The following ENAH variants were observed in gnomAD, a reference collection of about 807,000 sequenced individuals.
ENAH encodes the protein protein enabled homolog.
In ENAH, 23 loss-of-function variants were observed where a neutral mutation model predicts 78.7. The ratio of observed to expected loss-of-function variants is 0.29; its 90% CI spans 0.21 to 0.41. The LOEUF (loss-of-function observed/expected upper bound fraction) is 0.41, where lower values mean the gene tolerates loss of function less well. ENAH is among the 10% of genes least tolerant of loss of function. ENAH has a pLI of 1.00. For synonymous variants in ENAH, 226 were observed against 241.0 expected, an observed-to-expected ratio of 0.94 and a Z score of 0.58; for missense variants, 544 against 691.0, an observed-to-expected ratio of 0.79 and a Z score of 2.39.
rs909523397 is a variant in ENAH, at chr1:225,511,851, T to C, written c.1431A>G (p.Ser477=). ...AAGAGGCCTTAGAAGTTACAGGCTC[T>C]GAATCTTCCTAAATATACAGATATA... is the stretch of plus-strand genomic sequence containing the variant. The part of the protein sequence containing the change: ...TEQKEDKGED[S]EPVTSKASST... Residue 477 remains serine, a synonymous_variant, in exon 10 of 14, where the codon TCA becomes TCG. Coordinates refer to ENST00000366843, the MANE Select transcript of ENAH (RefSeq NM_018212.6). 1.9e-6 allele frequency: 3 copies of C among 1,600,098 alleles called. No homozygotes were observed. The highest frequency in any genetic ancestry group is 1.7e-5 in the Admixed American group (1 of 59,782).
intron 2 of ENAH, 73 bp downstream of exon 2, chr1:225,567,171 CTACTT>C: frequency 1.3e-6 from 2 of 1,491,322 alleles, no homozygotes; most frequent in African/African-American, 1.4e-5. Context: ...AGTTTTAAAA[CTACTT>C]TATTTTACGG....
chr1:225,606,738 G>A (rs997973733), intron 1 of ENAH, among the ~76,000 whole-genome samples: 1 of 147,288 alleles, frequency 6.8e-6, no homozygotes, highest in Non-Finnish European at 1.5e-5. Context: ...AGCTACTTGA[G>A]AGGCTGAGGT....
At chr1:225,565,700 C>T (rs1180972461) in intron 2 of ENAH, among the ~76,000 whole-genome samples, 1 of 152,010 alleles carries the variant, frequency 6.6e-6, no homozygotes, top group Non-Finnish European at 1.5e-5. Flanking sequence ...GACTAAGTCG[C>T]TGCTGGAACA....
chr1:225,519,141 A>G (rs1445387682), intron 5 of ENAH, 57 bp downstream of exon 5: 1 of 1,584,506 alleles, frequency 6.3e-7, no homozygotes, highest in Non-Finnish European at 8.6e-7. Context: ...ATGACTGCAC[A>G]AGAGACATCA....
At position 225,639,515 on chromosome 1, in the gene ENAH, C is replaced by A. The variant is rs984054026; in HGVS notation, c.5+13171G>T. On this transcript the variant is annotated intron_variant, in intron 1 of 13. Coordinates refer to ENST00000366843, the MANE Select transcript of ENAH (RefSeq NM_018212.6). ...TTCAACCCCTTTTTTCTGTTTTGAG[C>A]ATACACCATCTTGCTCTGAGATGCC... is the stretch of plus-strand genomic sequence containing the variant. Among the ~76,000 whole-genome samples the A allele has an allele frequency of 2.0e-5, 3 of 152,052 alleles. No individual in the cohort carries two copies. In the South Asian group the frequency reaches 6.2e-4, roughly 32 times the overall value.
chr1:225,620,720 T>C (rs533741958), intron 1 of ENAH, among the ~76,000 whole-genome samples: 1 of 152,032 alleles, frequency 6.6e-6, no homozygotes, highest in South Asian at 2.1e-4. Flanking sequence ...AATGTGGAGA[T>C]AGGGCCGGGT....
intron 1 of ENAH, among the ~76,000 whole-genome samples, chr1:225,595,203 C>T (rs978129434): frequency 2.0e-5 from 3 of 152,002 alleles, no homozygotes; most frequent in Non-Finnish European, 2.9e-5. Context: ...CATGGTGGCA[C>T]GCACCTGTGA....
At position 225,493,438 on chromosome 1, in the gene ENAH, C is replaced by T. The variant is rs1193797166; in HGVS notation, c.*4337G>A. 6.6e-6 allele frequency: 1 copy of T among 152,138 alleles called. No homozygotes were observed. The highest frequency in any genetic ancestry group is 1.9e-4 in the East Asian group (1 of 5,206). The allele number at this position is 152,138 out of a possible 1,614,324, so 9.4% of individuals were successfully genotyped here. ...GAGTCATGGAGATTCCTTATAAATA[C>T]CTGTATGTCAAGTTTTGACTTTAAA... is the stretch of plus-strand genomic sequence containing the variant. On this transcript the variant is annotated 3_prime_UTR_variant, in exon 14 of 14. Transcript: ENST00000366843.
At chr1:225,638,327 A>G (rs1660425006) in intron 1 of ENAH, among the ~76,000 whole-genome samples, 2 of 152,084 alleles carry the variant, frequency 1.3e-5, no homozygotes, top group Non-Finnish European at 2.9e-5. Flanking sequence ...CCCAGCTAAT[A>G]TTATTTTTTG....
At position 225,491,369 on chromosome 1, in the gene ENAH, C is replaced by T. The variant is rs1462128041; in HGVS notation, c.*6406G>A. ...TGTTGGCCAGGCTGGTCTCAAACTC[C>T]TGACCTCAGGTGATCTGCCCACCTC... On this transcript the variant is annotated 3_prime_UTR_variant, in exon 14 of 14. Coordinates refer to ENST00000366843, the MANE Select transcript of ENAH (RefSeq NM_018212.6). 1 of 152,018 alleles carries T rather than the reference C, an allele frequency of 6.6e-6. No homozygotes were observed. The highest frequency in any genetic ancestry group is 1.5e-5 in the Non-Finnish European group (1 of 68,034). The allele number at this position is 152,018 out of a possible 1,614,324, so 9.4% of individuals were successfully genotyped here.
At chr1:225,559,259 T>G (rs1266292043) in intron 2 of ENAH, among the ~76,000 whole-genome samples, 2 of 152,196 alleles carry the variant, frequency 1.3e-5, no homozygotes, top group African/African-American at 4.8e-5. Context: ...ATTATCTTAT[T>G]TCTAGATTAA....
intron 1 of ENAH, among the ~76,000 whole-genome samples, chr1:225,604,615 C>A (rs558148): frequency 7.0e-6 from 1 of 141,992 alleles, no homozygotes; most frequent in Non-Finnish European, 1.5e-5. Context: ...AAAACCCCGT[C>A]TCTACCAAAA....
chr1:225,611,919 A>T (rs1365208624), intron 1 of ENAH, among the ~76,000 whole-genome samples: 1 of 152,202 alleles, frequency 6.6e-6, no homozygotes, highest in East Asian at 1.9e-4. Flanking sequence ...AAACACAAAA[A>T]ATTTAAAAAT....
At chr1:225,597,763 T>C (rs2096909507) in intron 1 of ENAH, among the ~76,000 whole-genome samples, 1 of 152,120 alleles carries the variant, frequency 6.6e-6, no homozygotes, top group South Asian at 2.1e-4. Context: ...ATTTTTCTTC[T>C]TTTGCTACAC....
intron 4 of ENAH, among the ~76,000 whole-genome samples, chr1:225,527,778 C>A (rs74149830): frequency 0.013 from 1,997 of 152,240 alleles, 50 homozygotes; most frequent in African/African-American, 0.045. Context: ...TCCTGGAATG[C>A]TTTTCCCTTC....
chr1:225,590,456 A>C (rs2096870258), intron 1 of ENAH, among the ~76,000 whole-genome samples: 1 of 152,114 alleles, frequency 6.6e-6, no homozygotes, highest in South Asian at 2.1e-4. Context: ...AAAAAAAGAA[A>C]AAAGAAAAAA....
chr1:225,567,726 T>C (rs1467756563), intron 1 of ENAH, among the ~76,000 whole-genome samples: 3 of 152,226 alleles, frequency 2.0e-5, no homozygotes, highest in Non-Finnish European at 4.4e-5. Context: ...TGAATACAAC[T>C]ATTATGTTGG....
chr1:225,589,447 G>A (rs1290705286), intron 1 of ENAH, among the ~76,000 whole-genome samples: 1 of 152,134 alleles, frequency 6.6e-6, no homozygotes, highest in Non-Finnish European at 1.5e-5. Flanking sequence ...TCAGCCCTCA[G>A]TATCCTCGGA....
At chr1:225,567,476 A>G (rs2096740597) in intron 1 of ENAH, 62 bp from the exon 2 acceptor site, 2 of 1,484,826 alleles carry the variant, frequency 1.3e-6, no homozygotes, top group East Asian at 2.4e-5. Context: ...AGTGTTCCAC[A>G]TAGCCACACA....
Sources: allele counts gnomAD v4.1 joint callset (sites outside exome capture counted in the v4.1 genomes callset), GRCh38; gene constraint gnomAD v4.1.1; transcripts MANE v1.5; gene names NCBI Gene and HGNC (gene_info 2026-07-23, HGNC 2026-07-21).